The following TBCD variants were observed in gnomAD, a reference collection of about 807,000 sequenced individuals.
TBCD encodes the protein tubulin folding cofactor D, also known as tubulin-specific chaperone D.
In TBCD, 105 loss-of-function variants were observed where a neutral mutation model predicts 169.3. That is an observed-to-expected ratio of 0.62 (90% CI 0.53 to 0.73). The LOEUF is 0.73. Ranked by LOEUF, TBCD falls within the 30% of genes least tolerant of loss-of-function variation. TBCD has a pLI of 0.00. For missense variants in TBCD, 1,444 were observed against 1,600.1 expected (o/e 0.90, Z 1.66); for synonymous variants, 700 against 643.9 (o/e 1.09, Z -1.32).
chr17:82,829,007 A>T (rs2053222230), intron 13 of TBCD, among the ~76,000 whole-genome samples: 1 of 126,680 alleles, frequency 7.9e-6, no homozygotes, highest in Non-Finnish European at 1.7e-5. Context: ...AATCACGTGT[A>T]CACACCCCCG....
chr17:82,884,239 G>A lies in TBCD; in HGVS notation c.1533+37G>A. The A allele has an allele frequency of 6.4e-7, 1 of 1,557,512 alleles. No homozygotes were observed. Among genetic ancestry groups the A allele is most frequent in the South Asian group, 1.2e-5 (1 of 85,254 alleles). On this transcript the variant is annotated intron_variant, in intron 15 of 38. Coordinates refer to ENST00000355528, the MANE Select transcript of TBCD (RefSeq NM_005993.5). The surrounding 1 kb of genome is among the most constrained non-coding windows in gnomAD (Gnocchi z 4.2). ...CATTTTGATATTTCCTTTCCTGAAG[G>A]TGGGGGGTGGGCCTGGTCTCCCTGA... is the stretch of plus-strand genomic sequence containing the variant.
In TBCD at chr17:82,903,636, C is replaced by G. The variant is rs114830297; in HGVS notation, c.1804+158C>G. Reference sequence around the variant, plus strand: ...GCTGTGGACTTGATCAGTGGATAGGCTGTGAGGACGGATGCGGTGAGTGTG... The same window carrying G: ...GCTGTGGACTTGATCAGTGGATAGGGTGTGAGGACGGATGCGGTGAGTGTG... On this transcript the variant is annotated intron_variant, in intron 19 of 38. Coordinates refer to ENST00000355528, the MANE Select transcript of TBCD (RefSeq NM_005993.5). This position sits in a 1 kb window ranked among gnomAD's most constrained non-coding sequence, Gnocchi z 4.8. 0.012 allele frequency among the ~76,000 whole-genome samples: 1,903 copies of G among 152,326 alleles called. 38 individuals are homozygous for G. The highest frequency in any genetic ancestry group is 0.044 in the African/African-American group (1,841 of 41,568).
chr17:82,898,877 G>A (rs975577703), intron 17 of TBCD, among the ~76,000 whole-genome samples: 4 of 131,240 alleles, frequency 3.0e-5, no homozygotes, highest in Non-Finnish European at 6.9e-5. Flanking sequence ...TGGAGTGGAC[G>A]GTTGTGGAGG....
rs761188394 is a variant in TBCD, at chr17:82,904,973, C to T, written c.1805-963C>T. Among the ~76,000 whole-genome samples, 80 of 152,240 alleles carry T rather than the reference C, an allele frequency of 5.3e-4. 1 individual carries two copies. Among genetic ancestry groups the T allele is most frequent in the Non-Finnish European group, 9.1e-4 (62 of 68,034 alleles). ...TCGAAAATCCGATCACCCCCAGCCG[C>T]CACATCTTAGCCTCTCTGATTCTCA... On this transcript the variant is annotated intron_variant, in intron 19 of 38. Transcript: ENST00000355528.
intron 36 of TBCD, chr17:82,938,919 C>T (rs1424768060): frequency 9.9e-6 from 1 of 101,028 alleles, no homozygotes; most frequent in South Asian, 1.1e-4. Context: ...GGTGAGGTAG[C>T]AGGTTGGTTA....
intron 13 of TBCD, among the ~76,000 whole-genome samples, chr17:82,837,303 C>A (rs1353633374): frequency 6.6e-6 from 1 of 152,190 alleles, no homozygotes; most frequent in African/African-American, 2.4e-5. Flanking sequence ...TTGAAATAGT[C>A]TCTGTGTGGT....
intron 6 of TBCD, among the ~76,000 whole-genome samples, chr17:82,772,996 T>C (rs2048381820): frequency 6.6e-6 from 1 of 152,178 alleles, no homozygotes; most frequent in Admixed American, 6.5e-5. Flanking sequence ...GTTGGAAAGA[T>C]ACCAAGGATG....
intron 7 of TBCD, among the ~76,000 whole-genome samples, chr17:82,785,309 C>T (rs1442058970): frequency 1.4e-5 from 1 of 69,356 alleles, no homozygotes; most frequent in Non-Finnish European, 2.9e-5. Flanking sequence ...CCCATCGCAG[C>T]GGGAGGGGGG....
At chr17:82,909,023 C>G (rs1427462791) in intron 21 of TBCD, among the ~76,000 whole-genome samples, 1 of 152,220 alleles carries the variant, frequency 6.6e-6, no homozygotes, top group African/African-American at 2.4e-5. Flanking sequence ...ATGCAGGTGG[C>G]TCCAGCTCCC....
chr17:82,754,180 C>A (rs1568083805), intron 1 of TBCD, among the ~76,000 whole-genome samples: 1 of 152,090 alleles, frequency 6.6e-6, no homozygotes. Flanking sequence ...TTACTCAGAT[C>A]AGTCTCCCTG....
intron 23 of TBCD, among the ~76,000 whole-genome samples, chr17:82,912,542 C>T (rs1213803231): frequency 6.6e-6 from 1 of 152,266 alleles, no homozygotes; most frequent in Non-Finnish European, 1.5e-5. Context: ...ACAGCCCATC[C>T]CACGCCACCC....
In TBCD at chr17:82,814,864, G is replaced by A; in HGVS notation, c.1248G>A (p.Trp416Ter). The change falls in exon 13 of 39, where the codon TGG (tryptophan) becomes TGA (stop). Residue 416 changes from tryptophan to a stop codon, truncating the protein, a stop_gained. Coordinates refer to ENST00000355528, the MANE Select transcript of TBCD (RefSeq NM_005993.5). LOFTEE classifies it high-confidence loss of function. ...CFSFQETDKA[W>*]HGGCLALAEL... Reference sequence around the variant, plus strand: ...GTTTCCAGGAGACTGACAAGGCGTGGCATGGGGGATGTCTGGCGCTGGCAG... The same window carrying A: ...GTTTCCAGGAGACTGACAAGGCGTGACATGGGGGATGTCTGGCGCTGGCAG... The A allele has an allele frequency of 3.1e-6, 5 of 1,613,816 alleles. No individual in the cohort carries two copies. The highest frequency in any genetic ancestry group is 4.2e-6 in the Non-Finnish European group (5 of 1,179,856).
rs528615886 is a variant in TBCD at position 82,903,498 on chromosome 17, G to T, written c.1804+20G>T. The T allele has an allele frequency of 1.9e-6, 3 of 1,575,590 alleles. No individual in the cohort carries two copies. Among genetic ancestry groups the T allele is most frequent in the Non-Finnish European group, 2.6e-6 (3 of 1,160,290 alleles). Reference sequence around the variant, plus strand: ...CGCAAGGTGGGTGTGTGTCCCGGCCGGCCTGCGGGCACCATGCATGCACTG... The same window carrying T: ...CGCAAGGTGGGTGTGTGTCCCGGCCTGCCTGCGGGCACCATGCATGCACTG... On this transcript the variant is annotated intron_variant, in intron 19 of 38. Transcript: ENST00000355528. This position sits in a 1 kb window ranked among gnomAD's most constrained non-coding sequence, Gnocchi z 4.8.
intron 34 of TBCD, among the ~76,000 whole-genome samples, chr17:82,933,374 A>T (rs1196832935): frequency 1.4e-5 from 2 of 141,670 alleles, no homozygotes; most frequent in African/African-American, 5.3e-5. Context: ...TCAGCCTCCC[A>T]AGTATCTGGG....
chr17:82,786,057 G>A (rs73362971), intron 7 of TBCD, among the ~76,000 whole-genome samples: 7,948 of 152,120 alleles, frequency 0.052, 334 homozygotes, highest in African/African-American at 0.11. Context: ...TCAGCTTCAC[G>A]GCCTTCATGA....
At chr17:82,851,369 T>G (rs1323377164) in intron 13 of TBCD, among the ~76,000 whole-genome samples, 1 of 152,240 alleles carries the variant, frequency 6.6e-6, no homozygotes, top group East Asian at 1.9e-4. Context: ...TAAACAGGTG[T>G]GACGAAATTG....
In TBCD at chr17:82,831,632, C is replaced by A. The variant is rs2053521612; in HGVS notation, c.1318+16698C>A. On this transcript the variant is annotated intron_variant, in intron 13 of 38. Transcript: ENST00000355528. The surrounding 1 kb of genome is among the most constrained non-coding windows in gnomAD (Gnocchi z 4.6). ...TGTCTCGGGTCTTGGGTTCCGTAGA[C>A]TGACAGCAGGGGTGCGTCACACTCA... 1.9e-6 allele frequency: 3 copies of A among 1,614,126 alleles called. No homozygotes were observed. The East Asian group carries it at 6.7e-5, about 36-fold the overall frequency.
intron 36 of TBCD, 58 bp downstream of exon 36, chr17:82,938,194 C>A: frequency 1.3e-6 from 2 of 1,545,540 alleles, no homozygotes; most frequent in Non-Finnish European, 1.8e-6. Context: ...CCCTCAGTGA[C>A]AAGAAGGCCT....
At chr17:82,796,200 C>G (rs190255733) in intron 7 of TBCD, 2 of 152,366 alleles carry the variant, frequency 1.3e-5, no homozygotes, top group East Asian at 3.9e-4. Context: ...GCGACTGCCC[C>G]CGAACCCCGC....
Sources: gnomAD v4.1 joint callset for allele counts (sites outside exome capture counted in the v4.1 genomes callset) on GRCh38, gnomAD v4.1.1 for gene constraint, Gnocchi (gnomAD v3.1) non-coding constraint, MANE v1.5 for transcripts, NCBI Gene and HGNC (gene_info 2026-07-23, HGNC 2026-07-21) for gene names.